OR8G1: variants seen among roughly 807,000 people sequenced by gnomAD.
OR8G1 encodes the protein olfactory receptor family 8 subfamily G member 1.
For synonymous variants in OR8G1, 129 were observed against 133.3 expected (o/e 0.97, Z 0.22); for missense variants, 372 against 356.2 (o/e 1.04, Z -0.36).
In OR8G1 at chr11:124,250,417, G is replaced by A; in HGVS notation, c.742G>A (p.Val248Ile). The A allele has an allele frequency of 6.2e-7, 1 of 1,613,746 alleles. No individual in the cohort carries two copies. Among genetic ancestry groups the A allele is most frequent in the Non-Finnish European group, 8.5e-7 (1 of 1,179,810 alleles). Residue 248 changes from valine (V) to isoleucine (I), a missense_variant, in exon 3 of 3, where the codon GTT becomes ATT. Physicochemically the swap from Val to Ile is conservative, Grantham distance 29. Transcript: ENST00000641972. ...CACTTGTAGCTCCCACATGTTGGCGGTTGTAATCTTTTTTGGATCTGCAGC... is the reference window on the plus strand; with the variant it reads ...CACTTGTAGCTCCCACATGTTGGCGATTGTAATCTTTTTTGGATCTGCAGC... ...FSTCSSHMLA[V>I]VIFFGSAAFM... is the part of the protein sequence containing the mutation.
chr11:124,243,034 A>T (rs908357265), intron 1 of OR8G1, among the ~76,000 whole-genome samples: 6 of 151,648 alleles, frequency 4.0e-5, no homozygotes, highest in Admixed American at 3.3e-4. Context: ...AATTCCATAG[A>T]ACTCTTCCCA....
chr11:124,245,241 A>C, intron 1 of OR8G1, among the ~76,000 whole-genome samples: 1 of 137,738 alleles, frequency 7.3e-6, no homozygotes, highest in African/African-American at 2.7e-5. Context: ...TTCAATTCCC[A>C]CCTATGAGTG....
At chr11:124,244,409 A>G (rs1266006470) in intron 1 of OR8G1, among the ~76,000 whole-genome samples, 1 of 151,896 alleles carries the variant, frequency 6.6e-6, no homozygotes, top group Non-Finnish European at 1.5e-5. Context: ...ATTGATAAAC[A>G]CTGTTTGTGT....
At chr11:124,243,640 T>C (rs1013158484) in intron 1 of OR8G1, among the ~76,000 whole-genome samples, 1 of 152,062 alleles carries the variant, frequency 6.6e-6, no homozygotes, top group African/African-American at 2.4e-5. Flanking sequence ...TCTTCCAGTT[T>C]TATTTTATCT....
At chr11:124,242,409 A>ACTCCCTTCT (rs1454520786) in intron 1 of OR8G1, among the ~76,000 whole-genome samples, 3 of 152,082 alleles carry the variant, frequency 2.0e-5, no homozygotes, top group Admixed American at 1.3e-4. Flanking sequence ...CACATAGAAG[A>ACTCCCTTCT]TGGTCATATT....
chr11:124,253,531 GT>G lies in OR8G1; in HGVS notation c.*2921del, dbSNP rs1363798759. On this transcript the variant is annotated 3_prime_UTR_variant, in exon 3 of 3. Coordinates refer to ENST00000641972, the MANE Select transcript of OR8G1 (RefSeq NM_001002905.2). ...CAAGTTATTTTGAATGTGTGTGTGT[GT>G]GTATAGCGAAATGCCTAAATTGAGC... is the stretch of plus-strand genomic sequence containing the variant. The G allele has an allele frequency of 6.6e-6, 1 of 152,094 alleles. No individual in the cohort carries two copies. The highest frequency in any genetic ancestry group is 1.9e-4 in the East Asian group (1 of 5,196). 9.4% of individuals were successfully genotyped at this position (152,094 alleles called of 1,614,324 possible).
At position 124,252,592 on chromosome 11, in the gene OR8G1, G is replaced by C. The variant is rs953473553; in HGVS notation, c.*1981G>C. On this transcript the variant is annotated 3_prime_UTR_variant, in exon 3 of 3. Transcript: ENST00000641972. Reference sequence around the variant, plus strand: ...CCTTGCTTCAATGGACTATAAGCTCGAGTAGAGAATACACACTCAAATATT... The same window carrying C: ...CCTTGCTTCAATGGACTATAAGCTCCAGTAGAGAATACACACTCAAATATT... 1 of 152,048 alleles carries C rather than the reference G, an allele frequency of 6.6e-6. No homozygotes were observed. The highest frequency in any genetic ancestry group is 1.5e-5 in the Non-Finnish European group (1 of 68,002). 9.4% of individuals were successfully genotyped at this position (152,048 alleles called of 1,614,324 possible).
chr11:124,246,000 G>T (rs1219726856), intron 1 of OR8G1, among the ~76,000 whole-genome samples: 1 of 133,308 alleles, frequency 7.5e-6, no homozygotes, highest in Non-Finnish European at 1.6e-5. Flanking sequence ...CTTTTGCTGT[G>T]CAGAAGCTCT....
intron 1 of OR8G1, among the ~76,000 whole-genome samples, chr11:124,242,006 C>G (rs1861765195): frequency 6.6e-6 from 1 of 151,978 alleles, no homozygotes; most frequent in African/African-American, 2.4e-5. Flanking sequence ...GTAGCTCATT[C>G]AACTTCTAAG....
chr11:124,250,335 T>C lies in OR8G1; in HGVS notation c.660T>C (p.Phe220=), dbSNP rs769924843. The part of the protein sequence containing the change: ...PSLTILCSYI[F]IIASILHIRS... The stretch of plus-strand genomic sequence containing the variant: ...TGACCATCCTTTGCTCTTACATCTT[T>C]ATTATTGCCAGCATCCTCCACATTC... Residue 220 remains phenylalanine (F), a synonymous_variant, in exon 3 of 3, where the codon TTT becomes TTC. Coordinates refer to ENST00000641972, the MANE Select transcript of OR8G1 (RefSeq NM_001002905.2). The C allele has an allele frequency of 1.2e-6, 2 of 1,613,690 alleles. No individual in the cohort carries two copies.
In OR8G1 at chr11:124,247,885, G is replaced by A. The variant is rs1281771689; in HGVS notation, c.-17+5G>A. The A allele has an allele frequency of 1.3e-5, 2 of 151,832 alleles. No homozygotes were observed. The highest frequency in any genetic ancestry group is 6.6e-5 in the Admixed American group (1 of 15,200). 9.4% of individuals were successfully genotyped at this position (151,832 alleles called of 1,614,324 possible). On this transcript the variant is annotated splice_donor_5th_base_variant and intron_variant, in intron 2 of 2. Coordinates refer to ENST00000641972, the MANE Select transcript of OR8G1 (RefSeq NM_001002905.2). ...AAACGTTTACATTTTTCTTGGGTAA[G>A]TACTGAGGAGCAGAATTATTATATT...
At position 124,251,744 on chromosome 11, in the gene OR8G1, C is replaced by G. The variant is rs539196548; in HGVS notation, c.*1133C>G. 2 of 169,688 alleles carry G rather than the reference C, an allele frequency of 1.2e-5. No homozygotes were observed. Among genetic ancestry groups the G allele is most frequent in the African/African-American group, 2.4e-5 (1 of 41,876 alleles). The allele number at this position is 169,688 out of a possible 1,614,324, so 10.5% of individuals were successfully genotyped here. A position where few individuals can be genotyped will look rare whatever the true frequency, so the allele number is the denominator to read the frequency against. ...AGAGTTGGAACCTGAATAGCATGGT[C>G]TAAACTACCCTTAATTCTCTATGCC... On this transcript the variant is annotated 3_prime_UTR_variant, in exon 3 of 3. Coordinates refer to ENST00000641972, the MANE Select transcript of OR8G1 (RefSeq NM_001002905.2).
At position 124,251,491 on chromosome 11, in the gene OR8G1, A is replaced by G. The variant is rs1861867312; in HGVS notation, c.*880A>G. 1 of 630,610 alleles carries G rather than the reference A, an allele frequency of 1.6e-6. No individual in the cohort carries two copies. The highest frequency in any genetic ancestry group is 2.0e-5 in the South Asian group (1 of 49,424). The allele number at this position is 630,610 out of a possible 1,614,324, so 39.1% of individuals were successfully genotyped here. On this transcript the variant is annotated 3_prime_UTR_variant, in exon 3 of 3. Coordinates refer to ENST00000641972, the MANE Select transcript of OR8G1 (RefSeq NM_001002905.2). Reference sequence around the variant, plus strand: ...TCAAGAATCTATAATATAACTGGTAACATTCTGACCTATTCTATGCTAAGA... The same window carrying G: ...TCAAGAATCTATAATATAACTGGTAGCATTCTGACCTATTCTATGCTAAGA...
chr11:124,253,508 A>G lies in OR8G1; in HGVS notation c.*2897A>G, dbSNP rs555328196. On this transcript the variant is annotated 3_prime_UTR_variant, in exon 3 of 3. Transcript: ENST00000641972. ...AATATTGTATATATTATTGTGTACA[A>G]GTTATTTTGAATGTGTGTGTGTGTG... 1 of 128,348 alleles carries G rather than the reference A, an allele frequency of 7.8e-6. No homozygotes were observed. Among genetic ancestry groups the G allele is most frequent in the East Asian group, 2.5e-4 (1 of 4,038 alleles). The allele number at this position is 128,348 out of a possible 1,614,324, so 8.0% of individuals were successfully genotyped here.
intron 1 of OR8G1, among the ~76,000 whole-genome samples, chr11:124,243,161 G>A (rs1254305879): frequency 6.6e-6 from 1 of 151,884 alleles, no homozygotes. Context: ...CTTATTCTTT[G>A]ATATTATATA....
At chr11:124,241,576 TAACTC>T (rs929239194) in intron 1 of OR8G1, among the ~76,000 whole-genome samples, 5 of 152,216 alleles carry the variant, frequency 3.3e-5, no homozygotes, top group African/African-American at 9.6e-5. Flanking sequence ...GCTTATAGAA[TAACTC>T]AGTCAAAGAA....
intron 1 of OR8G1, among the ~76,000 whole-genome samples, chr11:124,244,609 C>T (rs1313978489): frequency 1.3e-5 from 2 of 151,884 alleles, no homozygotes; most frequent in African/African-American, 4.8e-5. Flanking sequence ...AAACAAGTTA[C>T]ATCCTAGAAA....
intron 1 of OR8G1, among the ~76,000 whole-genome samples, chr11:124,246,671 G>A (rs1861813489): frequency 6.6e-6 from 1 of 151,626 alleles, no homozygotes; most frequent in Admixed American, 6.6e-5. Context: ...TAATGCATTA[G>A]ATATAATTGA....
chr11:124,242,076 T>A (rs61908777), intron 1 of OR8G1, among the ~76,000 whole-genome samples: 45,325 of 151,232 alleles, frequency 0.3, 8,201 homozygotes, highest in East Asian at 0.44. Flanking sequence ...AGTAGTAAAT[T>A]ATTTATATAT....
Sources: allele counts gnomAD v4.1 joint callset (sites outside exome capture counted in the v4.1 genomes callset), GRCh38; gene constraint gnomAD v4.1.1; transcripts MANE v1.5; gene names NCBI Gene and HGNC (gene_info 2026-07-23, HGNC 2026-07-21).